SLC6A7: variants seen among roughly 807,000 people sequenced by gnomAD.
SLC6A7 encodes the protein sodium-dependent proline transporter.
Under a neutral mutation model 73.1 loss-of-function variants are expected in SLC6A7, and 58 were observed. That is an observed-to-expected ratio of 0.79 (90% CI 0.64 to 0.99). The LOEUF (loss-of-function observed/expected upper bound fraction) is 0.99. SLC6A7 is among the 50% of genes least tolerant of loss of function. SLC6A7 has a pLI of 0.00. For synonymous variants in SLC6A7, 338 were observed against 338.7 expected (o/e 1.00, Z 0.02); for missense variants, 783 against 831.4 (o/e 0.94, Z 0.72).
At chr5:150,202,738 T>A (rs1753453738) in intron 8 of SLC6A7, 35 bp downstream of exon 8, 1 of 1,610,594 alleles carries the variant, frequency 6.2e-7, no homozygotes, top group Non-Finnish European at 8.5e-7. Flanking sequence ...GGGGTGAGCA[T>A]GTGTGTTGGG....
rs1405907258 is a variant in SLC6A7, at chr5:150,209,389, T to C, written c.1702-17T>C. 1 of 1,610,122 alleles carries C rather than the reference T, an allele frequency of 6.2e-7. No homozygotes were observed. The highest frequency in any genetic ancestry group is 1.7e-5 in the Admixed American group (1 of 60,018). On this transcript the variant is annotated splice_polypyrimidine_tract_variant and intron_variant, in intron 13 of 13. Coordinates refer to ENST00000230671, the MANE Select transcript of SLC6A7 (RefSeq NM_014228.5). Reference sequence around the variant, plus strand: ...TGCCTGTTTCCTGTTTTCACTGCTCTCGTTGCTTTGCTGCAGCGGCTCCAA... The same window carrying C: ...TGCCTGTTTCCTGTTTTCACTGCTCCCGTTGCTTTGCTGCAGCGGCTCCAA...
At chr5:150,195,441 G>A (rs1488384942) in intron 2 of SLC6A7, among the ~76,000 whole-genome samples, 2 of 152,226 alleles carry the variant, frequency 1.3e-5, no homozygotes, top group Admixed American at 1.3e-4. Context: ...ACGGTTCCAA[G>A]TCTCATTAGC....
rs781734724 is a variant in SLC6A7 at position 150,209,566 on chromosome 5, C to T, written c.1862C>T (p.Ala621Val). The T allele has an allele frequency of 3.7e-6, 6 of 1,613,702 alleles. No individual in the cohort carries two copies. In the South Asian group the frequency reaches 5.5e-5, roughly 15 times the overall value. The change falls in exon 14 of 14, where the codon GCC (alanine) becomes GTC (valine). Residue 621 changes from alanine to valine, a missense_variant. By Grantham distance (64) the Ala-to-Val change is moderately conservative. Coordinates refer to ENST00000230671, the MANE Select transcript of SLC6A7 (RefSeq NM_014228.5). ...GGCATCACCAGCTTCGAGAACACGG[C>T]CATCGAGGTGGACCGTGAGATTGCA... is the stretch of plus-strand genomic sequence containing the variant. ...YGGITSFENTAIEVDREIAEE... is the reference protein window; with the variant it reads ...YGGITSFENTVIEVDREIAEE...
intron 12 of SLC6A7, 56 bp from the exon 13 acceptor site, chr5:150,205,400 G>A (rs1256258229): frequency 1.1e-5 from 14 of 1,322,652 alleles, no homozygotes; most frequent in Non-Finnish European, 1.4e-5. Context: ...GCTACCTCGG[G>A]CCTTAAGCAG....
intron 1 of SLC6A7, 57 bp from the exon 2 acceptor site, chr5:150,194,671 C>T: frequency 2.2e-6 from 3 of 1,335,482 alleles, no homozygotes; most frequent in South Asian, 1.3e-5. Context: ...CTTGAGGTCA[C>T]ATTTCTGGCC....
intron 5 of SLC6A7, 97 bp from the exon 6 acceptor site, chr5:150,200,992 C>A: frequency 7.2e-7 from 1 of 1,381,088 alleles, no homozygotes; most frequent in Non-Finnish European, 1.0e-6. Context: ...TTGGGCTACC[C>A]AAAGGCTGGG....
rs778679838 is a variant in SLC6A7, at chr5:150,196,711, G to A, written c.218-5G>A. On this transcript the variant is annotated splice_region_variant and splice_polypyrimidine_tract_variant and intron_variant, in intron 2 of 13. Transcript: ENST00000230671. ...GGCCCTTGCTGACCACCCCGCTCCC[G>A]GCAGGCGCCTTCCTCGTGCCCTACT... The A allele has an allele frequency of 5.6e-6, 9 of 1,612,674 alleles. No homozygotes were observed. The highest frequency in any genetic ancestry group is 1.1e-5 in the South Asian group (1 of 90,848).
chr5:150,191,942 GT>G (rs1293063593), intron 1 of SLC6A7, among the ~76,000 whole-genome samples: 2 of 151,780 alleles, frequency 1.3e-5, no homozygotes, highest in African/African-American at 4.8e-5. Flanking sequence ...CTAGGTCTTA[GT>G]AGCCCCACTT....
chr5:150,195,590 G>C (rs1752980426), intron 2 of SLC6A7, among the ~76,000 whole-genome samples: 3 of 152,214 alleles, frequency 2.0e-5, no homozygotes, highest in Admixed American at 6.5e-5. Context: ...GAAGACACCA[G>C]CGTCCTTGCC....
Position 150,209,610 on chromosome 5 carries a change from A to G in SLC6A7, c.1906A>G (p.Met636Val). 3.8e-6 allele frequency: 6 copies of G among 1,599,412 alleles called. No homozygotes were observed. Among genetic ancestry groups the G allele is most frequent in the Middle Eastern group, 1.7e-4 (1 of 6,024 alleles). Residue 636 changes from methionine to valine, a missense_variant, in exon 14 of 14, where the codon ATG becomes GTG. Physicochemically the swap from Met to Val is conservative, Grantham distance 21. Coordinates refer to ENST00000230671, the MANE Select transcript of SLC6A7 (RefSeq NM_014228.5). ...REIAEEEESM[M>V] ...GATTGCAGAGGAGGAGGAGTCGATG[A>G]TGTGAGGCAGGAGGCAGGCGGGCAG... is the stretch of plus-strand genomic sequence containing the variant.
At chr5:150,204,778 T>A in intron 11 of SLC6A7, 49 bp from the exon 12 acceptor site, 1 of 1,446,812 alleles carries the variant, frequency 6.9e-7, no homozygotes, top group Admixed American at 1.7e-5. Flanking sequence ...GCTGCTGGCG[T>A]TTGTGGGGCC....
chr5:150,199,162 C>T (rs777644933), intron 4 of SLC6A7, 66 bp from the exon 5 acceptor site: 127 of 1,501,084 alleles, frequency 8.5e-5, no homozygotes, highest in Non-Finnish European at 9.5e-5. Flanking sequence ...CTGGACATGG[C>T]TTGACTCCAT....
intron 4 of SLC6A7, among the ~76,000 whole-genome samples, chr5:150,197,612 T>TGAC (rs773258892): frequency 2.6e-5 from 4 of 151,794 alleles, no homozygotes; most frequent in Admixed American, 2.0e-4. Flanking sequence ...TAGCTGAGAA[T>TGAC]GATGATGATG....
At chr5:150,192,335 T>A (rs1196873392) in intron 1 of SLC6A7, among the ~76,000 whole-genome samples, 2 of 152,190 alleles carry the variant, frequency 1.3e-5, no homozygotes, top group Non-Finnish European at 2.9e-5. Context: ...TTGGGCAGTC[T>A]TGAGTCTCCC....
chr5:150,191,116 G>C (rs1752763263), intron 1 of SLC6A7, among the ~76,000 whole-genome samples: 4 of 152,218 alleles, frequency 2.6e-5, no homozygotes, highest in Admixed American at 2.6e-4. Flanking sequence ...TAAGGAGTCA[G>C]ATCTCCTGAA....
chr5:150,198,811 GGT>G (rs774414750), intron 4 of SLC6A7, among the ~76,000 whole-genome samples: 10,219 of 111,630 alleles, frequency 0.092, 395 homozygotes, highest in Admixed American at 0.16. Context: ...GGCCCTGGAT[GGT>G]GTGTGTGTGT....
intron 12 of SLC6A7, among the ~76,000 whole-genome samples, chr5:150,205,252 G>A (rs535203907): frequency 6.7e-6 from 1 of 150,120 alleles, no homozygotes; most frequent in East Asian, 2.0e-4. Flanking sequence ...GCAGGCCTTG[G>A]TGTTGGGTCA....
chr5:150,203,326 A>C (rs1753489074), intron 8 of SLC6A7, among the ~76,000 whole-genome samples: 1 of 152,236 alleles, frequency 6.6e-6, no homozygotes, highest in Admixed American at 6.5e-5. Context: ...AAAGGGTGAG[A>C]ATGATCTTGT....
chr5:150,202,288 C>T (rs992058000), intron 6 of SLC6A7, 59 bp from the exon 7 acceptor site: 2 of 1,170,794 alleles, frequency 1.7e-6, no homozygotes, highest in Non-Finnish European at 2.6e-6. Flanking sequence ...TCATTCACTG[C>T]CTTCCTTCTC....
Sources: allele counts gnomAD v4.1 joint callset (sites outside exome capture counted in the v4.1 genomes callset), GRCh38; gene constraint gnomAD v4.1.1; transcripts MANE v1.5; gene names NCBI Gene and HGNC (gene_info 2026-07-23, HGNC 2026-07-21).